The following ADGB variants were observed in gnomAD, a reference collection of about 807,000 sequenced individuals.
ADGB encodes the protein androglobin, also known as calpain-7-like protein.
A neutral mutation model predicts 210.5 loss-of-function variants in ADGB; 172 were observed. The observed-to-expected ratio is 0.82, with a 90% CI of 0.72 to 0.93. The LOEUF is 0.93. ADGB is among the 40% of genes least tolerant of loss of function. ADGB has a pLI of 0.00. For synonymous variants in ADGB, 658 were observed against 662.7 expected (o/e 0.99, Z 0.11); for missense variants, 2,025 against 1,964.8 (o/e 1.03, Z -0.58).
chr6:146,687,415 C>T (rs1043591733), intron 10 of ADGB, among the ~76,000 whole-genome samples: 15 of 151,870 alleles, frequency 9.9e-5, no homozygotes, highest in Non-Finnish European at 1.9e-4. Context: ...CAATGATAGA[C>T]TGAATAAAGA....
At position 146,808,278 on chromosome 6, in the gene ADGB, G is replaced by T. The variant is rs1459339832; in HGVS notation, c.4818+6267G>T. On this transcript the variant is annotated intron_variant, in intron 35 of 35. Coordinates refer to ENST00000397944, the MANE Select transcript of ADGB (RefSeq NM_024694.4). ...GCCTCCCAAAGTGCTGGGAATACAG[G>T]CGTGAGCCACCACTTTGGGCCAAAT... Among the ~76,000 whole-genome samples the T allele has an allele frequency of 2.0e-5, 3 of 152,160 alleles. No homozygotes were observed. In the East Asian group the frequency reaches 5.8e-4, roughly 29 times the overall value.
intron 18 of ADGB, chr6:146,725,819 G>T: frequency 3.5e-6 from 1 of 286,522 alleles, no homozygotes. Context: ...TGTGTGGGAG[G>T]TCACTCCAGC....
rs192892748 is a variant in ADGB at position 146,607,414 on chromosome 6, G to A, written c.74+8300G>A. On this transcript the variant is annotated intron_variant, in intron 1 of 35. Transcript: ENST00000397944. ...TTTTCTTGCCTGATTGCTCTGGCTA[G>A]GACTTCCAGAGTGATTTGGAATAGG... Among the ~76,000 whole-genome samples the A allele has an allele frequency of 1.3e-4, 20 of 152,210 alleles. No homozygotes were observed. The East Asian group carries it at 3.9e-3, about 29-fold the overall frequency.
chr6:146,687,273 A>T (rs1404498783), intron 10 of ADGB, among the ~76,000 whole-genome samples: 7 of 152,262 alleles, frequency 4.6e-5, no homozygotes, highest in Non-Finnish European at 1.5e-5. Context: ...TGCTAAGATT[A>T]GGGCTGGCCT....
intron 29 of ADGB, among the ~76,000 whole-genome samples, chr6:146,772,073 C>A (rs1376039399): frequency 6.6e-6 from 1 of 152,020 alleles, no homozygotes; most frequent in Non-Finnish European, 1.5e-5. Flanking sequence ...TTGTTTATAG[C>A]AATTATAAAT....
chr6:146,648,326 A>G (rs548391720), intron 3 of ADGB, among the ~76,000 whole-genome samples: 1 of 152,222 alleles, frequency 6.6e-6, no homozygotes, highest in East Asian at 1.9e-4. Context: ...TGCTAGGATT[A>G]CAAACATTAG....
chr6:146,663,086 AT>A (rs1775886023), intron 5 of ADGB, among the ~76,000 whole-genome samples: 1 of 143,322 alleles, frequency 7.0e-6, no homozygotes, highest in South Asian at 2.1e-4. Flanking sequence ...TATTTATATA[AT>A]TATATAAATA....
chr6:146,790,107 T>C (rs1331162366), intron 33 of ADGB, among the ~76,000 whole-genome samples: 2 of 152,208 alleles, frequency 1.3e-5, no homozygotes, highest in Admixed American at 1.3e-4. Context: ...GATGTTTTGA[T>C]ACATGTATAG....
At chr6:146,729,632 TG>T (rs969705523) in intron 20 of ADGB, among the ~76,000 whole-genome samples, 25 of 152,150 alleles carry the variant, frequency 1.6e-4, no homozygotes, top group African/African-American at 5.5e-4. Context: ...ATTGAAGAGA[TG>T]GGGTCTCACT....
chr6:146,734,946 A>G (rs1041595392), intron 22 of ADGB, among the ~76,000 whole-genome samples: 1 of 151,954 alleles, frequency 6.6e-6, no homozygotes, highest in Non-Finnish European at 1.5e-5. Context: ...ATATATATTC[A>G]ATTATTTTCA....
chr6:146,619,106 T>C (rs1780846637), intron 1 of ADGB, among the ~76,000 whole-genome samples: 1 of 152,066 alleles, frequency 6.6e-6, no homozygotes, highest in Non-Finnish European at 1.5e-5. Flanking sequence ...CATTATGTAA[T>C]AACCATATAT....
intron 26 of ADGB, among the ~76,000 whole-genome samples, chr6:146,746,496 T>C (rs755841868): frequency 3.9e-5 from 6 of 152,186 alleles, no homozygotes; most frequent in South Asian, 4.1e-4. Context: ...AGCCTAATCA[T>C]AGATTCCACT....
chr6:146,605,591 G>C (rs1780619787), intron 1 of ADGB, among the ~76,000 whole-genome samples: 1 of 152,080 alleles, frequency 6.6e-6, no homozygotes, highest in Admixed American at 6.6e-5. Context: ...CAGTGCAGGA[G>C]CTAAACCATA....
chr6:146,710,997 T>C (rs560054599), intron 13 of ADGB, among the ~76,000 whole-genome samples: 54 of 152,216 alleles, frequency 3.5e-4, no homozygotes, highest in Non-Finnish European at 6.3e-4. Flanking sequence ...ACATGCTATT[T>C]TATCTTGATC....
intron 9 of ADGB, among the ~76,000 whole-genome samples, chr6:146,684,702 A>C (rs906660669): frequency 1.3e-5 from 2 of 152,092 alleles, no homozygotes; most frequent in Non-Finnish European, 2.9e-5. Context: ...TCAAATTATT[A>C]ACCAAGCCTC....
chr6:146,738,438 C>CTTTTTTTTTTTTTTTTT lies in ADGB; in HGVS notation c.2888+1861_2888+1877dup, dbSNP rs71031008. 9.8e-5 allele frequency among the ~76,000 whole-genome samples: 7 copies of CTTTTTTTTTTTTTTTTT among 71,332 alleles called. 1 individual carries two copies. Among genetic ancestry groups the CTTTTTTTTTTTTTTTTT allele is most frequent in the African/African-American group, 3.4e-4 (7 of 20,346 alleles). The allele number at this position is 71,332 out of a possible 152,430, so 46.8% of individuals were successfully genotyped here. A position where few individuals can be genotyped will look rare whatever the true frequency, so the allele number is the denominator to read the frequency against. On this transcript the variant is annotated intron_variant, in intron 23 of 35. Coordinates refer to ENST00000397944, the MANE Select transcript of ADGB (RefSeq NM_024694.4). Reference sequence around the variant, plus strand: ...GAATCCCATTCGAATCCCATTTCATCTTTTTTTTTTTTTTTTTTTTTTTTT... The same window carrying CTTTTTTTTTTTTTTTTT: ...GAATCCCATTCGAATCCCATTTCATCTTTTTTTTTTTTTTTTTTTTTTTTTTTTTTTTTTTTTTTTTT...
At chr6:146,775,735 G>T (rs1339015972) in intron 29 of ADGB, among the ~76,000 whole-genome samples, 1 of 151,816 alleles carries the variant, frequency 6.6e-6, no homozygotes, top group Non-Finnish European at 1.5e-5. Context: ...TTATACTGTT[G>T]TTCTTTATTT....
intron 29 of ADGB, 83 bp downstream of exon 29, chr6:146,769,214 C>A: frequency 1.5e-6 from 1 of 655,718 alleles, no homozygotes; most frequent in Non-Finnish European, 2.6e-6. Flanking sequence ...TTGATTTAGT[C>A]ATGAAAATAT....
intron 35 of ADGB, chr6:146,803,423 A>G: frequency 1.2e-6 from 2 of 1,608,604 alleles, no homozygotes; most frequent in Non-Finnish European, 8.5e-7. Context: ...TTGCCATGTC[A>G]CAGCCCCCAC....
Sources: gnomAD v4.1 joint callset for allele counts (sites outside exome capture counted in the v4.1 genomes callset) on GRCh38, gnomAD v4.1.1 for gene constraint, MANE v1.5 for transcripts, NCBI Gene and HGNC (gene_info 2026-07-23, HGNC 2026-07-21) for gene names.